Variants in PPP2R2B observed in about 807,000 individuals in gnomAD.
PPP2R2B encodes serine/threonine-protein phosphatase 2A 55 kDa regulatory subunit B beta isoform.
Under a neutral mutation model 46.0 loss-of-function variants are expected in PPP2R2B, and 5 were observed. That is an observed-to-expected ratio of 0.11 (90% CI 0.06 to 0.23). The LOEUF (loss-of-function observed/expected upper bound fraction) is 0.23. PPP2R2B is among the 10% of genes least tolerant of loss of function. The pLI is 1.00. For missense variants in PPP2R2B, 367 were observed against 575.0 expected, an observed-to-expected ratio of 0.64 and a Z score of 3.70; for synonymous variants, 215 against 206.7, an observed-to-expected ratio of 1.04 and a Z score of -0.34.
intron 1 of PPP2R2B, among the ~76,000 whole-genome samples, chr5:146,920,276 T>G (rs925363658): frequency 6.6e-6 from 1 of 152,034 alleles, no homozygotes; most frequent in Non-Finnish European, 1.5e-5. Flanking sequence ...CCGTAATAAC[T>G]AGTGACATGG....
chr5:146,975,702 C>T (rs4705455), intron 1 of PPP2R2B, among the ~76,000 whole-genome samples: 73,882 of 151,990 alleles, frequency 0.49, 19,152 homozygotes, highest in Middle Eastern at 0.6. Context: ...TGAGGTAATA[C>T]TGTGATTTTG....
intron 2 of PPP2R2B, among the ~76,000 whole-genome samples, chr5:146,771,869 T>G (rs249906): frequency 9.2e-5 from 14 of 152,074 alleles, no homozygotes; most frequent in African/African-American, 3.4e-4. Context: ...AAGTATTCCA[T>G]GCTCTTTTCA....
chr5:146,948,189 T>C (rs1324949342), intron 1 of PPP2R2B, among the ~76,000 whole-genome samples: 3 of 152,090 alleles, frequency 2.0e-5, no homozygotes. Context: ...ACTATGTTTA[T>C]TCAACATTCA....
chr5:146,856,532 T>G (rs1431508181), intron 2 of PPP2R2B: 1 of 1,612,340 alleles, frequency 6.2e-7, no homozygotes, highest in South Asian at 1.1e-5. Flanking sequence ...TCTGGATAAT[T>G]CATGCTTCAT....
At chr5:147,045,905 T>C (rs1351259768) in intron 1 of PPP2R2B, among the ~76,000 whole-genome samples, 1 of 152,150 alleles carries the variant, frequency 6.6e-6, no homozygotes, top group East Asian at 1.9e-4. Flanking sequence ...TCATGCTTCC[T>C]AGTTAAGTTT....
At chr5:146,660,398 A>G (rs1331312289) in intron 5 of PPP2R2B, among the ~76,000 whole-genome samples, 1 of 152,124 alleles carries the variant, frequency 6.6e-6, no homozygotes, top group Non-Finnish European at 1.5e-5. Flanking sequence ...TTTATTTTCT[A>G]TAGATATATT....
intron 2 of PPP2R2B, among the ~76,000 whole-genome samples, chr5:146,713,514 T>C (rs901126106): frequency 2.0e-5 from 3 of 152,182 alleles, no homozygotes; most frequent in Admixed American, 2.0e-4. Context: ...GGATACTAAG[T>C]AGACAAGTGA....
At chr5:146,692,146 C>A (rs1778893657) in intron 4 of PPP2R2B, among the ~76,000 whole-genome samples, 1 of 152,166 alleles carries the variant, frequency 6.6e-6, no homozygotes, top group African/African-American at 2.4e-5. Context: ...CAGAACAGTG[C>A]CTGGCACACA....
At chr5:146,686,783 G>C (rs1581873923) in intron 5 of PPP2R2B, among the ~76,000 whole-genome samples, 1 of 152,172 alleles carries the variant, frequency 6.6e-6, no homozygotes, top group African/African-American at 2.4e-5. Context: ...CCTGCAGGGA[G>C]AAGTATGCTA....
intron 1 of PPP2R2B, among the ~76,000 whole-genome samples, chr5:146,976,982 T>C (rs1301148391): frequency 6.6e-6 from 1 of 152,182 alleles, no homozygotes; most frequent in African/African-American, 2.4e-5. Context: ...TCCTGTAGTA[T>C]AGCCCATTTC....
intron 2 of PPP2R2B, among the ~76,000 whole-genome samples, chr5:146,825,989 G>C (rs1417172128): frequency 2.0e-5 from 3 of 152,166 alleles, no homozygotes; most frequent in Non-Finnish European, 2.9e-5. Flanking sequence ...AATCTTATGA[G>C]TTATAGATAT....
At chr5:146,902,674 A>G (rs2151436224) in intron 1 of PPP2R2B, among the ~76,000 whole-genome samples, 1 of 152,292 alleles carries the variant, frequency 6.6e-6, no homozygotes, top group South Asian at 2.1e-4. Context: ...CCCCACACAA[A>G]GATCTGATCA....
At chr5:146,781,131 G>GATATAT (rs56697862) in intron 2 of PPP2R2B, among the ~76,000 whole-genome samples, 1,641 of 49,144 alleles carry the variant, frequency 0.033, 113 homozygotes, top group Non-Finnish European at 0.043. Flanking sequence ...ATGCCACCAT[G>GATATAT]ATATATATAT....
At chr5:146,936,864 G>GA (rs1186806330) in intron 1 of PPP2R2B, among the ~76,000 whole-genome samples, 4 of 137,202 alleles carry the variant, frequency 2.9e-5, no homozygotes, top group African/African-American at 1.1e-4. Context: ...GTGAGCCAGG[G>GA]TTTTTTTTTT....
chr5:146,829,491 G>A (rs1298425078), intron 2 of PPP2R2B, among the ~76,000 whole-genome samples: 1 of 152,158 alleles, frequency 6.6e-6, no homozygotes, highest in Non-Finnish European at 1.5e-5. Flanking sequence ...TTCTTCTGAA[G>A]CCAAGCACAG....
At chr5:146,763,243 T>A (rs1754274763) in intron 2 of PPP2R2B, among the ~76,000 whole-genome samples, 1 of 152,160 alleles carries the variant, frequency 6.6e-6, no homozygotes, top group Non-Finnish European at 1.5e-5. Flanking sequence ...GAAATGGAAA[T>A]AGCTCCAGGG....
intron 1 of PPP2R2B, among the ~76,000 whole-genome samples, chr5:146,991,849 A>C (rs547692908): frequency 3.9e-4 from 60 of 152,272 alleles, no homozygotes; most frequent in African/African-American, 1.4e-3. Flanking sequence ...AAACTACAAA[A>C]TATTGATAAA....
At chr5:147,007,282 G>T (rs1754483592) in intron 1 of PPP2R2B, among the ~76,000 whole-genome samples, 1 of 152,116 alleles carries the variant, frequency 6.6e-6, no homozygotes, top group African/African-American at 2.4e-5. Flanking sequence ...CCTGTTTAGA[G>T]GGGGGATTGA....
chr5:146,873,328 A>C (rs1398455887), intron 2 of PPP2R2B, among the ~76,000 whole-genome samples: 1 of 152,108 alleles, frequency 6.6e-6, no homozygotes, highest in Non-Finnish European at 1.5e-5. Flanking sequence ...CCCAACTTTC[A>C]TTCTTTTTCA....
Sources: allele counts gnomAD v4.1 joint callset (sites outside exome capture counted in the v4.1 genomes callset), GRCh38; gene constraint gnomAD v4.1.1; transcripts MANE v1.5; gene names NCBI Gene and HGNC (gene_info 2026-07-23, HGNC 2026-07-21).